The following TCF4 variants were observed in gnomAD, a reference collection of about 807,000 sequenced individuals.
TCF4 encodes SL3-3 enhancer factor 2.
A neutral mutation model predicts 82.1 loss-of-function variants in TCF4; 3 were observed. The ratio of observed to expected loss-of-function variants is 0.04; its 90% CI spans 0.02 to 0.09. TCF4 has a LOEUF of 0.09. Among genes scored for constraint, TCF4 ranks in the 10% least tolerant of loss-of-function variants. The pLI, the probability that TCF4 is intolerant of heterozygous loss-of-function variation, is 1.00. For synonymous variants in TCF4, 276 were observed against 309.6 expected (o/e 0.89, Z 1.14); for missense variants, 518 against 852.7 (o/e 0.61, Z 4.89).
At chr18:55,373,775 T>G (rs1007187401) in intron 6 of TCF4, among the ~76,000 whole-genome samples, 1 of 152,078 alleles carries the variant, frequency 6.6e-6, no homozygotes, top group Non-Finnish European at 1.5e-5. Context: ...ATCGTGCCAC[T>G]ACACTCCAAC....
intron 3 of TCF4, among the ~76,000 whole-genome samples, chr18:55,562,203 T>C (rs1439070428): frequency 6.6e-6 from 1 of 152,204 alleles, no homozygotes; most frequent in Non-Finnish European, 1.5e-5. Context: ...AGATTTACCA[T>C]TTGGCCCCTC....
At chr18:55,592,996 T>A (rs2097687231), upstream of TCF4, among the ~76,000 whole-genome samples, 1 of 152,236 alleles carries the variant, frequency 6.6e-6, no homozygotes, top group Non-Finnish European at 1.5e-5. Flanking sequence ...CTAACCTAAG[T>A]ACTTTTCTGA....
At chr18:55,244,794 C>CTTTGTAA (rs1480018486) in intron 15 of TCF4, among the ~76,000 whole-genome samples, 2 of 152,188 alleles carry the variant, frequency 1.3e-5, no homozygotes, top group African/African-American at 4.8e-5. Flanking sequence ...AAACATTACC[C>CTTTGTAA]AGAGACTACC....
At chr18:55,367,226 T>C (rs1339941431) in intron 6 of TCF4, among the ~76,000 whole-genome samples, 1 of 152,230 alleles carries the variant, frequency 6.6e-6, no homozygotes, top group Non-Finnish European at 1.5e-5. Flanking sequence ...GTGTGATTAA[T>C]TATGTGTGCT....
Position 55,232,501 on chromosome 18 carries a change from ACT to A in TCF4, c.1649+6_1649+7del. On this transcript the variant is annotated splice_donor_region_variant and intron_variant, in intron 17 of 19. Transcript: ENST00000354452. ...ATTAAATGAAGCGACAGTATTATAT[ACT>A]GTTACCTAGATCTTGACCTAGTAAT... 1 of 1,613,958 alleles carries A rather than the reference ACT, an allele frequency of 6.2e-7. No individual in the cohort carries two copies. Among genetic ancestry groups the A allele is most frequent in the Non-Finnish European group, 8.5e-7 (1 of 1,179,868 alleles).
chr18:55,440,004 C>T (rs760501822), intron 5 of TCF4, among the ~76,000 whole-genome samples: 1 of 152,108 alleles, frequency 6.6e-6, no homozygotes, highest in Non-Finnish European at 1.5e-5. Flanking sequence ...GATTACAGGC[C>T]TGTTAGCCTG....
chr18:55,550,652 T>C (rs1179152800), intron 3 of TCF4: 1 of 152,210 alleles, frequency 6.6e-6, no homozygotes, highest in Non-Finnish European at 1.5e-5. Flanking sequence ...TAGGGACACA[T>C]TCCAAACAAT....
At chr18:55,267,586 GA>G (rs2059473746) in intron 11 of TCF4, 4 of 152,010 alleles carry the variant, frequency 2.6e-5, no homozygotes, top group African/African-American at 9.7e-5. Context: ...TTATTTTAAA[GA>G]AAAACATTCT....
At chr18:55,456,289 T>C (rs2095751940) in intron 5 of TCF4, among the ~76,000 whole-genome samples, 2 of 152,184 alleles carry the variant, frequency 1.3e-5, no homozygotes, top group South Asian at 2.1e-4. Context: ...CAGAAAAATG[T>C]TCTGCTGAGC....
At chr18:55,434,436 T>TTTTC (rs1190496100) in intron 5 of TCF4, among the ~76,000 whole-genome samples, 1 of 150,448 alleles carries the variant, frequency 6.6e-6, no homozygotes, top group East Asian at 1.9e-4. Flanking sequence ...TTTTTTTTTT[T>TTTTC]TGAGATGGAG....
chr18:55,229,545 A>T (rs578200570), intron 17 of TCF4: 5 of 171,954 alleles, frequency 2.9e-5, no homozygotes, highest in Non-Finnish European at 6.3e-5. Context: ...AGGGGAAACA[A>T]GTAATTGAAA....
rs77155203 is a variant in TCF4, at chr18:55,304,220, C to T, written c.550-24564G>A. On this transcript the variant is annotated intron_variant, in intron 8 of 19. Transcript: ENST00000354452. ...GAAGTGGCCAAGGTGGTCTGCATTT[C>T]ATTCAGTGAAGAAGACGGTATGAAA... Among the ~76,000 whole-genome samples the T allele has an allele frequency of 4.1e-3, 629 of 152,288 alleles. 2 individuals carry two copies. Among genetic ancestry groups the T allele is most frequent in the Non-Finnish European group, 6.9e-3 (466 of 68,024 alleles).
intron 3 of TCF4, among the ~76,000 whole-genome samples, chr18:55,572,114 C>T (rs942064506): frequency 1.3e-5 from 2 of 152,038 alleles, no homozygotes; most frequent in Non-Finnish European, 2.9e-5. Flanking sequence ...TTGGTATAGA[C>T]AGTTCTATGT....
At chr18:55,300,920 G>A (rs116230558) in intron 8 of TCF4, among the ~76,000 whole-genome samples, 2,695 of 152,262 alleles carry the variant, frequency 0.018, 110 homozygotes, top group South Asian at 0.16. Context: ...GAAGGCAAAA[G>A]GTCACTCTGG....
chr18:55,523,859 CCAGA>C (rs2096954592), intron 3 of TCF4, among the ~76,000 whole-genome samples: 1 of 151,838 alleles, frequency 6.6e-6, no homozygotes, highest in African/African-American at 2.4e-5. Context: ...GATGTTCATG[CCAGA>C]CAAATAAGAA....
intron 3 of TCF4, among the ~76,000 whole-genome samples, chr18:55,543,677 C>T (rs572158164): frequency 6.6e-6 from 1 of 152,130 alleles, no homozygotes; most frequent in Admixed American, 6.5e-5. Flanking sequence ...AGAAAGCCAC[C>T]GTTCACTGAA....
intron 6 of TCF4, among the ~76,000 whole-genome samples, chr18:55,363,072 T>C (rs2085898113): frequency 6.6e-6 from 1 of 151,678 alleles, no homozygotes; most frequent in Non-Finnish European, 1.5e-5. Flanking sequence ...GAGAGAAAAA[T>C]GGATAGGGTA....
intron 11 of TCF4, among the ~76,000 whole-genome samples, chr18:55,261,980 G>A (rs184156738): frequency 9.7e-4 from 147 of 152,180 alleles, no homozygotes; most frequent in Admixed American, 3.0e-3. Context: ...CGGGGTATTC[G>A]TCTCACAGTC....
At chr18:55,276,209 A>G (rs2061474926) in intron 9 of TCF4, among the ~76,000 whole-genome samples, 1 of 152,204 alleles carries the variant, frequency 6.6e-6, no homozygotes, top group Non-Finnish European at 1.5e-5. Flanking sequence ...CAGATTGAAA[A>G]TGTTTAATTT....
Sources: allele counts gnomAD v4.1 joint callset (sites outside exome capture counted in the v4.1 genomes callset), GRCh38; gene constraint gnomAD v4.1.1; transcripts MANE v1.5; gene names NCBI Gene and HGNC (gene_info 2026-07-23, HGNC 2026-07-21).